The following JMJD1C variants were observed in gnomAD, a reference collection of about 807,000 sequenced individuals.
JMJD1C encodes the protein jumonji domain-containing protein 1C.
JMJD1C carries 31 observed loss-of-function variants against 245.3 expected under a neutral mutation model. The ratio of observed to expected loss-of-function variants is 0.13; its 90% CI spans 0.09 to 0.17. The LOEUF is 0.17. JMJD1C is among the 10% of genes least tolerant of loss of function. The pLI is 1.00. For synonymous variants in JMJD1C, 1,057 were observed against 1,017.4 expected (o/e 1.04, Z -0.74); for missense variants, 2,691 against 3,000.2 (o/e 0.90, Z 2.41).
intron 2 of JMJD1C, among the ~76,000 whole-genome samples, chr10:63,285,677 G>C (rs761175147): frequency 6.6e-6 from 1 of 152,120 alleles, no homozygotes; most frequent in African/African-American, 2.4e-5. Flanking sequence ...GTGTGGTGGT[G>C]TGTGCCTCTA....
At position 63,223,186 on chromosome 10, in the gene JMJD1C, C is replaced by T. The variant is rs538531420; in HGVS notation, c.448-3203G>A. The stretch of plus-strand genomic sequence containing the variant: ...CTTCCATACATAACCATCCATATAC[C>T]TTTTCCATAATATAGGGAATTATAA... On this transcript the variant is annotated intron_variant, in intron 3 of 25. Coordinates refer to ENST00000399262, the MANE Select transcript of JMJD1C (RefSeq NM_032776.3). 1.3e-4 allele frequency: 69 copies of T among 520,130 alleles called. No homozygotes were observed. In the East Asian group the frequency reaches 1.5e-3, roughly 11 times the overall value. 32.2% of individuals were successfully genotyped at this position (520,130 alleles called of 1,614,324 possible).
At chr10:63,496,654 T>C (rs1397854779) in intron 1 of JMJD1C, among the ~76,000 whole-genome samples, 2 of 152,216 alleles carry the variant, frequency 1.3e-5, no homozygotes, top group African/African-American at 4.8e-5. Flanking sequence ...TCAGTTTCTG[T>C]CCCAAATCAT....
intron 3 of JMJD1C, among the ~76,000 whole-genome samples, chr10:63,227,501 A>G (rs1409795361): frequency 1.3e-5 from 2 of 152,326 alleles, no homozygotes; most frequent in East Asian, 1.9e-4. Context: ...AAATATCACA[A>G]AACTGCAGCA....
rs35442695 is a variant in JMJD1C at position 63,277,731 on chromosome 10, C to CTTTTTTTTTTTTTTTTTTTTTTTTTTT, written c.334-12968_334-12967insAAAAAAAAAAAAAAAAAAAAAAAAAAA. 1.1e-4 allele frequency among the ~76,000 whole-genome samples: 7 copies of CTTTTTTTTTTTTTTTTTTTTTTTTTTT among 64,274 alleles called. 1 individual carries two copies. Among genetic ancestry groups the CTTTTTTTTTTTTTTTTTTTTTTTTTTT allele is most frequent in the African/African-American group, 4.2e-4 (6 of 14,168 alleles). The allele number at this position is 64,274 out of a possible 152,430, so 42.2% of individuals were successfully genotyped here. ...TATTCATTGAGAGTAATTTGCATTTCTTTTTTTTTTTTTTTTTTTTTTTTG... is the reference window on the plus strand; with the variant it reads ...TATTCATTGAGAGTAATTTGCATTTCTTTTTTTTTTTTTTTTTTTTTTTTTTTTTTTTTTTTTTTTTTTTTTTTTTTG... On this transcript the variant is annotated intron_variant, in intron 2 of 25. Coordinates refer to ENST00000399262, the MANE Select transcript of JMJD1C (RefSeq NM_032776.3).
At position 63,279,902 on chromosome 10, in the gene JMJD1C, G is replaced by A. The variant is rs1179798280; in HGVS notation, c.334-15138C>T. Among the ~76,000 whole-genome samples the A allele has an allele frequency of 2.0e-5, 3 of 152,126 alleles. No individual in the cohort carries two copies. In the East Asian group the frequency reaches 5.8e-4, roughly 29 times the overall value. On this transcript the variant is annotated intron_variant, in intron 2 of 25. Coordinates refer to ENST00000399262, the MANE Select transcript of JMJD1C (RefSeq NM_032776.3). ...ACGGTGGCTCACGCCTGTTTTCCCA[G>A]CACTTTGGGAGGCCGAAGTGGGTGA...
chr10:63,387,967 G>A (rs566159741), intron 1 of JMJD1C, among the ~76,000 whole-genome samples: 77 of 152,042 alleles, frequency 5.1e-4, no homozygotes, highest in Admixed American at 8.5e-4. Flanking sequence ...CTTAAAGAAC[G>A]AGCAAATCCT....
intron 3 of JMJD1C, among the ~76,000 whole-genome samples, chr10:63,261,850 G>A (rs79707426): frequency 0.011 from 1,652 of 152,262 alleles, 31 homozygotes; most frequent in African/African-American, 0.037. Context: ...AAAGGTGGCA[G>A]ACTGGGAATT....
chr10:63,325,448 T>C (rs962732699), intron 2 of JMJD1C, among the ~76,000 whole-genome samples: 1 of 152,130 alleles, frequency 6.6e-6, no homozygotes, highest in Non-Finnish European at 1.5e-5. Flanking sequence ...CAATCAATTT[T>C]TATCCAGTTC....
At chr10:63,264,007 C>CAG (rs1198176935) in intron 3 of JMJD1C, among the ~76,000 whole-genome samples, 21 of 136,738 alleles carry the variant, frequency 1.5e-4, no homozygotes, top group Middle Eastern at 3.9e-3. Flanking sequence ...CACACACACA[C>CAG]AATTCTGTGA....
chr10:63,213,676 G>C lies in JMJD1C; in HGVS notation c.2491C>G (p.Gln831Glu). 1 of 1,614,236 alleles carries C rather than the reference G, an allele frequency of 6.2e-7. No homozygotes were observed. ...TGCTGTAACAACTGTTGTTGTTGCT[G>C]GTGTGCTAGCGCTAAGTGGCTCAAG... ...SSLSHLALAH[Q>E]QQQQLLQHQS... The change falls in exon 8 of 26, where the codon CAG (glutamine) becomes GAG (glutamate). Residue 831 changes from glutamine to glutamate, a missense_variant. Physicochemically the swap from Gln to Glu is conservative, Grantham distance 29. This residue lies in a region of JMJD1C where 1,562 missense variants were observed against 1,490.7 expected (regional missense o/e 1.05). Coordinates refer to ENST00000399262, the MANE Select transcript of JMJD1C (RefSeq NM_032776.3).
intron 3 of JMJD1C, among the ~76,000 whole-genome samples, chr10:63,227,442 A>C (rs954478443): frequency 3.9e-5 from 6 of 152,238 alleles, no homozygotes; most frequent in East Asian, 1.9e-4. Context: ...AGATTTGCTC[A>C]AAAGTCTCAA....
At chr10:63,215,892 CT>C in intron 5 of JMJD1C, among the ~76,000 whole-genome samples, 196 bp from the exon 6 acceptor site, 1 of 152,170 alleles carries the variant, frequency 6.6e-6, no homozygotes, top group East Asian at 1.9e-4. Context: ...ACCATTTCAA[CT>C]GCTAACCAAG....
chr10:63,246,922 C>T (rs1372759605), intron 3 of JMJD1C, among the ~76,000 whole-genome samples: 3 of 151,188 alleles, frequency 2.0e-5, no homozygotes, highest in East Asian at 3.9e-4. Flanking sequence ...ACAAAATCTA[C>T]GGGATTTGGC....
intron 2 of JMJD1C, among the ~76,000 whole-genome samples, chr10:63,321,886 C>T (rs1215792881): frequency 6.6e-6 from 1 of 152,196 alleles, no homozygotes; most frequent in Non-Finnish European, 1.5e-5. Context: ...CACACCAGTT[C>T]AAAACAGCCT....
At chr10:63,243,114 TATATATATATAA>T (rs71025132) in intron 3 of JMJD1C, among the ~76,000 whole-genome samples, 31,673 of 142,810 alleles carry the variant, frequency 0.22, 4,708 homozygotes, top group Non-Finnish European at 0.31. Flanking sequence ...TATATATATA[TATATATATATAA>T]ATATATATAT....
At chr10:63,489,644 CT>C (rs1246714773) in intron 1 of JMJD1C, 2 of 152,828 alleles carry the variant, frequency 1.3e-5, no homozygotes, top group Non-Finnish European at 2.9e-5. Flanking sequence ...AGATTCAACA[CT>C]GGGATTACAG....
chr10:63,400,143 A>T, intron 1 of JMJD1C, among the ~76,000 whole-genome samples: 1 of 152,290 alleles, frequency 6.6e-6, no homozygotes, highest in East Asian at 1.9e-4. Context: ...ATTTTATTCA[A>T]TCAGAACCCT....
intron 1 of JMJD1C, among the ~76,000 whole-genome samples, chr10:63,428,360 A>C (rs1950561199): frequency 6.6e-6 from 1 of 152,224 alleles, no homozygotes; most frequent in Non-Finnish European, 1.5e-5. Flanking sequence ...CAAAAGATCA[A>C]TTAACGAAAT....
intron 1 of JMJD1C, among the ~76,000 whole-genome samples, chr10:63,462,029 G>A (rs1952831482): frequency 6.6e-6 from 1 of 152,066 alleles, no homozygotes; most frequent in African/African-American, 2.4e-5. Context: ...AAGTAGAACA[G>A]CAGTAATGTC....
Sources: allele counts gnomAD v4.1 joint callset (sites outside exome capture counted in the v4.1 genomes callset), GRCh38; gene constraint gnomAD v4.1.1; regional missense constraint gnomAD v4.1.1; transcripts MANE v1.5; gene names NCBI Gene and HGNC (gene_info 2026-07-23, HGNC 2026-07-21).